The following HYCC1 variants were observed in gnomAD, a reference collection of about 807,000 sequenced individuals.
HYCC1 encodes hyccin.
At chr7:22,911,020 T>C in the HYCC1 span, among the ~76,000 whole-genome samples, 19 of 152,338 alleles carry the variant, frequency 1.2e-4, no homozygotes, top group East Asian at 3.7e-3. Flanking sequence ...TGGGTTTTAG[T>C]ATAAATGAAG....
At chr7:22,990,581 T>C in the HYCC1 span, among the ~76,000 whole-genome samples, 3 of 152,230 alleles carry the variant, frequency 2.0e-5, no homozygotes, top group African/African-American at 4.8e-5. Flanking sequence ...CAAGAAAATA[T>C]GTTTTATTTT....
chr7:22,979,999 G>T, the HYCC1 span, among the ~76,000 whole-genome samples: 1 of 152,022 alleles, frequency 6.6e-6, no homozygotes, highest in African/African-American at 2.4e-5. Flanking sequence ...AACACTGGAG[G>T]GTAAAATATC....
chr7:22,915,764 G>A, the HYCC1 span, among the ~76,000 whole-genome samples: 65 of 152,136 alleles, frequency 4.3e-4, 1 homozygote, highest in South Asian at 0.012. Context: ...ATGGACAGCC[G>A]GGCTTCTAAA....
At chr7:22,984,816 G>C in the HYCC1 span, among the ~76,000 whole-genome samples, 6 of 152,128 alleles carry the variant, frequency 3.9e-5, no homozygotes, top group Non-Finnish European at 8.8e-5. Flanking sequence ...CAGAGCTAGA[G>C]AAAAAGATAT....
At chr7:22,915,871 C>T in the HYCC1 span, among the ~76,000 whole-genome samples, 5 of 152,030 alleles carry the variant, frequency 3.3e-5, no homozygotes, top group African/African-American at 7.2e-5. Flanking sequence ...CTTATTAGGT[C>T]GAGACTTTTT....
chr7:22,946,024 T>C, the HYCC1 span: 2 of 1,613,812 alleles, frequency 1.2e-6, no homozygotes, highest in Non-Finnish European at 1.7e-6. Context: ...GGTTCTTTCC[T>C]ATACTTGGCT....
At chr7:22,982,427 C>T in the HYCC1 span, among the ~76,000 whole-genome samples, 1 of 152,100 alleles carries the variant, frequency 6.6e-6, no homozygotes, top group Non-Finnish European at 1.5e-5. Flanking sequence ...TTCTATACCC[C>T]CTCCAAAAGA....
chr7:22,987,583 T>C, the HYCC1 span, among the ~76,000 whole-genome samples: 140 of 152,234 alleles, frequency 9.2e-4, no homozygotes, highest in African/African-American at 3.2e-3. Context: ...TGAGAGTCCA[T>C]AGCTAGAGCA....
At chr7:23,005,990 C>G in the HYCC1 span, among the ~76,000 whole-genome samples, 3 of 152,090 alleles carry the variant, frequency 2.0e-5, no homozygotes, top group African/African-American at 7.2e-5. Flanking sequence ...TACACTGCTG[C>G]GGGGGCTATT....
chr7:22,896,489 G>A, the HYCC1 span, among the ~76,000 whole-genome samples: 1 of 152,178 alleles, frequency 6.6e-6, no homozygotes, highest in African/African-American at 2.4e-5. Context: ...AAAGCAGAGA[G>A]CAATCTAGCA....
the HYCC1 span, chr7:22,964,671 G>C: frequency 1.6e-6 from 1 of 637,714 alleles, no homozygotes. Flanking sequence ...TTTCCAAACA[G>C]AACATTTGTC....
chr7:22,964,780 T>C, the HYCC1 span, among the ~76,000 whole-genome samples: 4 of 152,150 alleles, frequency 2.6e-5, no homozygotes, highest in African/African-American at 9.7e-5. Flanking sequence ...TACTGGTTAG[T>C]TCGCTAATTT....
chr7:22,896,628 C>A, the HYCC1 span, among the ~76,000 whole-genome samples: 2 of 150,660 alleles, frequency 1.3e-5, no homozygotes, highest in African/African-American at 4.9e-5. Context: ...TGCATGCATT[C>A]AAAAAAAAAT....
At chr7:22,978,256 A>G in the HYCC1 span, 3 of 1,612,988 alleles carry the variant, frequency 1.9e-6, no homozygotes, top group African/African-American at 1.3e-5. Flanking sequence ...TGTTAACTCC[A>G]TTAAATACAA....
At chr7:23,006,412 G>A in the HYCC1 span, among the ~76,000 whole-genome samples, 21 of 152,076 alleles carry the variant, frequency 1.4e-4, no homozygotes, top group African/African-American at 3.1e-4. Context: ...GACTACAGGC[G>A]CCTGCCACCA....
chr7:22,960,354 G>C, the HYCC1 span: 3 of 1,613,046 alleles, frequency 1.9e-6, no homozygotes, highest in South Asian at 3.3e-5. Context: ...AATACACCTT[G>C]TACCTTCCTT....
At chr7:22,912,958 T>C in the HYCC1 span, among the ~76,000 whole-genome samples, 3 of 152,084 alleles carry the variant, frequency 2.0e-5, no homozygotes, top group Non-Finnish European at 4.4e-5. Context: ...AACCTGTCTC[T>C]AGTAAAAATA....
At chr7:23,013,127 G>C in the HYCC1 span, among the ~76,000 whole-genome samples, 2 of 152,208 alleles carry the variant, frequency 1.3e-5, no homozygotes, top group South Asian at 4.1e-4. Flanking sequence ...GCAAGCTGAC[G>C]GGCAGACAGC....
At chr7:22,905,407 T>TTTTTTTTTTTTTTTTTTTTTTC in the HYCC1 span, among the ~76,000 whole-genome samples, 1 of 143,462 alleles carries the variant, frequency 7.0e-6, no homozygotes, top group East Asian at 2.0e-4. Context: ...TTTTTTTTTT[T>TTTTTTTTTTTTTTTTTTTTTTC]TTTTTTTAGT....
Sources: gnomAD v4.1 joint callset for allele counts (sites outside exome capture counted in the v4.1 genomes callset) on GRCh38, gnomAD v4.1.1 for gene constraint, MANE v1.5 for transcripts, NCBI Gene and HGNC (gene_info 2026-07-23, HGNC 2026-07-21) for gene names.